Variants in TNR observed in about 807,000 individuals in gnomAD.
TNR encodes tenascin R, also known as tenascin-R.
Under a neutral mutation model 150.4 loss-of-function variants are expected in TNR, and 45 were observed. The ratio of observed to expected loss-of-function variants is 0.30; its 90% CI spans 0.24 to 0.38. The LOEUF (loss-of-function observed/expected upper bound fraction) is 0.38. TNR is among the 10% of genes least tolerant of loss of function. The pLI is 1.00. For synonymous variants in TNR, 687 were observed against 678.4 expected (o/e 1.01, Z -0.20); for missense variants, 1,544 against 1,759.1 (o/e 0.88, Z 2.19).
Position 175,321,023 on chromosome 1 carries a change from G to A in TNR, c.*2334C>T, listed in dbSNP as rs1021330185. The A allele has an allele frequency of 6.6e-6, 1 of 152,194 alleles. No individual in the cohort carries two copies. Among genetic ancestry groups the A allele is most frequent in the Non-Finnish European group, 1.5e-5 (1 of 68,042 alleles). The allele number at this position is 152,194 out of a possible 1,614,324, so 9.4% of individuals were successfully genotyped here. ...AGAGAGGTGAAACAACCCAGCCGAT[G>A]TCATGTCGTAGCTAAGATGACAGCT... is the stretch of plus-strand genomic sequence containing the variant. On this transcript the variant is annotated 3_prime_UTR_variant, in exon 23 of 23. Coordinates refer to ENST00000367674, the MANE Select transcript of TNR (RefSeq NM_003285.3).
At chr1:175,566,412 T>C (rs7516879) in intron 1 of TNR, among the ~76,000 whole-genome samples, 1 of 151,726 alleles carries the variant, frequency 6.6e-6, no homozygotes, top group Non-Finnish European at 1.5e-5. Flanking sequence ...TGTTTGAGAG[T>C]CTCTGGCAGA....
At chr1:175,452,652 GGAT>G (rs1414087881) in intron 2 of TNR, among the ~76,000 whole-genome samples, 5 of 152,184 alleles carry the variant, frequency 3.3e-5, no homozygotes, top group African/African-American at 4.8e-5. Flanking sequence ...GGGGCCTAGT[GGAT>G]GAGGGAAAAG....
chr1:175,380,702 CT>C (rs1364333022), intron 8 of TNR, among the ~76,000 whole-genome samples: 1 of 152,168 alleles, frequency 6.6e-6, no homozygotes, highest in Non-Finnish European at 1.5e-5. Flanking sequence ...GGGGACACTG[CT>C]TTTTTTCTCC....
chr1:175,393,691 G>T lies in TNR; in HGVS notation c.1356+89C>A, dbSNP rs918477682. 31 of 1,018,346 alleles carry T rather than the reference G, an allele frequency of 3.0e-5. No homozygotes were observed. In the African/African-American group the frequency reaches 4.3e-4, roughly 14 times the overall value. 63.1% of individuals were successfully genotyped at this position (1,018,346 alleles called of 1,614,324 possible). A position where few individuals can be genotyped will look rare whatever the true frequency, so the allele number is the denominator to read the frequency against. On this transcript the variant is annotated intron_variant, in intron 6 of 22. Coordinates refer to ENST00000367674, the MANE Select transcript of TNR (RefSeq NM_003285.3). ...TTAATGGCATGGAGAGAGATATTGG[G>T]TAGCACTTTCCTTGCTGCCCCTGAT...
chr1:175,622,302 G>T (rs1401593189), intron 1 of TNR, among the ~76,000 whole-genome samples: 1 of 152,184 alleles, frequency 6.6e-6, no homozygotes, highest in African/African-American at 2.4e-5. Flanking sequence ...TCAGGTGTTT[G>T]CAGGTACATG....
At chr1:175,466,172 G>A (rs903222966) in intron 2 of TNR, among the ~76,000 whole-genome samples, 14 of 152,142 alleles carry the variant, frequency 9.2e-5, no homozygotes, top group African/African-American at 3.1e-4. Context: ...TAAATATTAT[G>A]AGCCTCATTT....
At chr1:175,618,351 T>C (rs979755736) in intron 1 of TNR, among the ~76,000 whole-genome samples, 2 of 152,230 alleles carry the variant, frequency 1.3e-5, no homozygotes, top group African/African-American at 4.8e-5. Context: ...GCCCACCTCC[T>C]ATTCAGAGAA....
chr1:175,699,434 C>T (rs945679662), intron 1 of TNR, among the ~76,000 whole-genome samples: 10 of 152,030 alleles, frequency 6.6e-5, no homozygotes, highest in East Asian at 5.8e-4. Context: ...CAGTTGCATT[C>T]GTGTCAGTAT....
chr1:175,385,048 A>T (rs1652857403), intron 8 of TNR, among the ~76,000 whole-genome samples: 1 of 152,178 alleles, frequency 6.6e-6, no homozygotes, highest in Admixed American at 6.5e-5. Flanking sequence ...ACTTTATCCC[A>T]TCTGAAGATG....
At chr1:175,457,153 G>A (rs944067433) in intron 2 of TNR, among the ~76,000 whole-genome samples, 4 of 152,156 alleles carry the variant, frequency 2.6e-5, no homozygotes, top group Non-Finnish European at 4.4e-5. Context: ...CCCTGTCTGT[G>A]CGATCAGAGT....
intron 1 of TNR, among the ~76,000 whole-genome samples, chr1:175,537,629 G>A (rs1042763568): frequency 6.6e-6 from 1 of 152,192 alleles, no homozygotes; most frequent in Non-Finnish European, 1.5e-5. Context: ...TTTAAGAGGG[G>A]ATGAGTTGCT....
intron 1 of TNR, among the ~76,000 whole-genome samples, chr1:175,714,698 G>A (rs1667107512): frequency 6.6e-6 from 1 of 152,138 alleles, no homozygotes; most frequent in Non-Finnish European, 1.5e-5. Context: ...AAATCGATAG[G>A]CGCTTTAATT....
intron 1 of TNR, among the ~76,000 whole-genome samples, chr1:175,663,392 T>C (rs1665437787): frequency 6.6e-6 from 1 of 152,170 alleles, no homozygotes; most frequent in Admixed American, 6.6e-5. Flanking sequence ...GAATTTGTAG[T>C]GCACAGGCAG....
chr1:175,579,585 G>T (rs1213142292), intron 1 of TNR, among the ~76,000 whole-genome samples: 1 of 151,492 alleles, frequency 6.6e-6, no homozygotes, highest in Admixed American at 6.6e-5. Flanking sequence ...TTGGATGAAT[G>T]GGATGGTCAA....
chr1:175,463,414 G>C (rs558510345), intron 2 of TNR, among the ~76,000 whole-genome samples: 1 of 152,306 alleles, frequency 6.6e-6, no homozygotes, highest in South Asian at 2.1e-4. Flanking sequence ...GGCAAAGTCA[G>C]TTTATTTAGC....
At chr1:175,662,358 G>C (rs1665404785) in intron 1 of TNR, among the ~76,000 whole-genome samples, 1 of 151,838 alleles carries the variant, frequency 6.6e-6, no homozygotes, top group Non-Finnish European at 1.5e-5. Context: ...ACAAAGCCCG[G>C]TGGACTCATT....
Position 175,555,408 on chromosome 1 carries a change from C to T in TNR, c.-164-27039G>A, listed in dbSNP as rs909593422. The stretch of plus-strand genomic sequence containing the variant: ...GAACTCCCCTGGTATTCTATAAAGA[C>T]ATCAGCTCCTGGGCTGCCCCTCTAT... On this transcript the variant is annotated intron_variant, in intron 1 of 22. Coordinates refer to ENST00000367674, the MANE Select transcript of TNR (RefSeq NM_003285.3). 5.3e-5 allele frequency among the ~76,000 whole-genome samples: 8 copies of T among 151,892 alleles called. No homozygotes were observed. The Middle Eastern group carries it at 0.01, about 195-fold the overall frequency.
intron 2 of TNR, among the ~76,000 whole-genome samples, chr1:175,471,524 T>C (rs1657290869): frequency 6.6e-6 from 1 of 152,170 alleles, no homozygotes; most frequent in South Asian, 2.1e-4. Context: ...AACATGATGG[T>C]AAATATTTGT....
intron 8 of TNR, among the ~76,000 whole-genome samples, chr1:175,380,940 G>A (rs1173946757): frequency 6.6e-6 from 1 of 152,196 alleles, no homozygotes; most frequent in Admixed American, 6.5e-5. Context: ...TTGTTCTTGT[G>A]GAAGACTGAA....
Sources: allele counts gnomAD v4.1 joint callset (sites outside exome capture counted in the v4.1 genomes callset), GRCh38; gene constraint gnomAD v4.1.1; transcripts MANE v1.5; gene names NCBI Gene and HGNC (gene_info 2026-07-23, HGNC 2026-07-21).